PAK3: variants seen among roughly 807,000 people sequenced by gnomAD.
PAK3 encodes the protein p21 (RAC1) activated kinase 3.
In PAK3, 4 loss-of-function variants were observed where a neutral mutation model predicts 41.0. The ratio of observed to expected loss-of-function variants is 0.10; its 90% confidence interval spans 0.05 to 0.22. The LOEUF is 0.22. Ranked by LOEUF, PAK3 falls within the 10% of genes least tolerant of loss-of-function variation. PAK3 has a pLI of 1.00. For missense variants in PAK3, 205 were observed against 409.9 expected, an observed-to-expected ratio of 0.50 and a Z score of 4.32; for synonymous variants, 146 against 139.6, an observed-to-expected ratio of 1.05 and a Z score of -0.32.
intron 1 of PAK3, among the ~76,000 whole-genome samples, chrX:111,012,672 C>A (rs2092027971): frequency 8.9e-6 from 1 of 112,462 alleles, no homozygotes; most frequent in African/African-American, 3.2e-5. Flanking sequence ...ATTACTTTTG[C>A]AAAAGTATTG....
At position 111,196,858 on chromosome X, in the gene PAK3, T is replaced by C. The variant is rs368170722; in HGVS notation, c.1407+218T>C. Among the ~76,000 whole-genome samples, 449 of 94,501 alleles carry C rather than the reference T, an allele frequency of 4.8e-3. 2 individuals are homozygous for C. The highest frequency in any genetic ancestry group is 7.7e-3 in the Non-Finnish European group (390 of 50,927). 82.1% of individuals were successfully genotyped at this position (94,501 alleles called of 115,157 possible). On this transcript the variant is annotated intron_variant, in intron 16 of 17. Coordinates refer to ENST00000372007, the MANE Select transcript of PAK3 (RefSeq NM_002578.5). ...TGTCTTTTTCTTTCTTTCTTTCTTTTTTTTTTTTTTTTTTGGAGAAAGAAT... is the reference window on the plus strand; with the variant it reads ...TGTCTTTTTCTTTCTTTCTTTCTTTCTTTTTTTTTTTTTTGGAGAAAGAAT...
intron 1 of PAK3, among the ~76,000 whole-genome samples, chrX:110,995,168 T>C (rs1163104103): frequency 9.0e-6 from 1 of 111,171 alleles, no homozygotes; most frequent in Admixed American, 9.6e-5. Context: ...CTAGAAAGCA[T>C]AAAAAAACCA....
At chrX:111,152,812 G>A (rs928538548) in intron 8 of PAK3, 16 of 131,784 alleles carry the variant, frequency 1.2e-4, no homozygotes, top group South Asian at 2.5e-4. Flanking sequence ...ATAATACAGC[G>A]TGTGACTTTT....
rs1049709028 is a variant in PAK3 at position 111,009,488 on chromosome X, T to G, written c.-28+64860T>G. On this transcript the variant is annotated intron_variant, in intron 1 of 14. Transcript: ENST00000425146. ...GCACAATGTCAGCTGCCCATTGACC[T>G]TAGTCTTCGTGGCCCCAGGGTCAAC... is the stretch of plus-strand genomic sequence containing the variant. 2.8e-4 allele frequency among the ~76,000 whole-genome samples: 5 copies of G among 17,862 alleles called. No individual in the cohort carries two copies. In the Non-Finnish European group the frequency reaches 0.037, roughly 132 times the overall value. 15.5% of individuals were successfully genotyped at this position (17,862 alleles called of 115,157 possible).
rs2094941374 is a variant in PAK3, at chrX:111,224,103, C to T, written c.*3656C>T. The T allele has an allele frequency of 8.9e-6, 1 of 111,834 alleles. No individual in the cohort carries two copies. The highest frequency in any genetic ancestry group is 3.2e-5 in the African/African-American group (1 of 30,772). The allele number at this position is 111,834 out of a possible 1,213,427, so 9.2% of individuals were successfully genotyped here. On this transcript the variant is annotated 3_prime_UTR_variant, in exon 18 of 18. Transcript: ENST00000372007. ...GAGATATTTGCTAGTTACAATTATT[C>T]CATAGGCTTTATGCTTGCCTGGGTG...
intron 6 of PAK3, among the ~76,000 whole-genome samples, chrX:111,144,366 C>T (rs1469063396): frequency 8.9e-6 from 1 of 112,171 alleles, no homozygotes. Flanking sequence ...TTTGTAACTA[C>T]TTGTTCATAC....
chrX:111,114,352 G>A (rs1180452001), intron 4 of PAK3, among the ~76,000 whole-genome samples: 2 of 111,896 alleles, frequency 1.8e-5, no homozygotes, highest in African/African-American at 6.5e-5. Context: ...GTAAATATTT[G>A]TGGTTCAAGT....
At chrX:111,178,980 T>TATATATAGAGAGAGAGAGAGAG (rs1211051270) in intron 11 of PAK3, among the ~76,000 whole-genome samples, 1 of 91,613 alleles carries the variant, frequency 1.1e-5, no homozygotes, top group African/African-American at 4.0e-5. Context: ...TATATATATA[T>TATATATAGAGAGAGAGAGAGAG]AGAGAGAGAG....
intron 1 of PAK3, among the ~76,000 whole-genome samples, chrX:110,972,471 C>A (rs1162994202): frequency 1.8e-5 from 2 of 112,045 alleles, no homozygotes; most frequent in African/African-American, 6.5e-5. Context: ...ACTGAGGGAT[C>A]TGACTGTTAG....
At chrX:110,974,323 T>C (rs1410378066) in intron 1 of PAK3, among the ~76,000 whole-genome samples, 10 of 111,923 alleles carry the variant, frequency 8.9e-5, no homozygotes, top group Non-Finnish European at 1.9e-4. Context: ...AAGAGAATAC[T>C]ATAAACAACT....
chrX:111,200,384 T>C (rs750401774), intron 16 of PAK3, among the ~76,000 whole-genome samples: 6 of 111,967 alleles, frequency 5.4e-5, no homozygotes, highest in Non-Finnish European at 9.4e-5. Flanking sequence ...TTTTATTCCC[T>C]GTGCTGATTA....
In PAK3 at chrX:111,221,455, T is replaced by G. The variant is rs768089999; in HGVS notation, c.*1008T>G. 16 of 112,223 alleles carry G rather than the reference T, an allele frequency of 1.4e-4. No homozygotes were observed. In the East Asian group the frequency reaches 4.2e-3, roughly 29 times the overall value. 9.2% of individuals were successfully genotyped at this position (112,223 alleles called of 1,213,427 possible). A position where few individuals can be genotyped will look rare whatever the true frequency, so the allele number is the denominator to read the frequency against. ...AAATGTAGAATACTGAAATCCTTGT[T>G]GGACATTAAGTAAACAAAGATAATG... On this transcript the variant is annotated 3_prime_UTR_variant, in exon 18 of 18. Coordinates refer to ENST00000372007, the MANE Select transcript of PAK3 (RefSeq NM_002578.5).
intron 4 of PAK3, among the ~76,000 whole-genome samples, chrX:111,107,833 A>C (rs2148925711): frequency 8.9e-6 from 1 of 112,079 alleles, no homozygotes; most frequent in East Asian, 2.8e-4. Context: ...TGTGAGACTC[A>C]GTTAAGAAAC....
At chrX:111,175,709 A>T (rs748272352) in intron 11 of PAK3, among the ~76,000 whole-genome samples, 1 of 111,910 alleles carries the variant, frequency 8.9e-6, no homozygotes, top group East Asian at 2.8e-4. Context: ...TACCTCCCAG[A>T]TACTAGGTAA....
chrX:111,087,085 T>C (rs1053203409), intron 1 of PAK3, among the ~76,000 whole-genome samples: 2 of 109,888 alleles, frequency 1.8e-5, no homozygotes, highest in Admixed American at 2.0e-4. Flanking sequence ...TAGCCTCACA[T>C]GTCAGAATTC....
At chrX:111,077,052 T>C (rs1305750680) in intron 1 of PAK3, among the ~76,000 whole-genome samples, 1 of 111,575 alleles carries the variant, frequency 9.0e-6, no homozygotes, top group Non-Finnish European at 1.9e-5. Context: ...GTCTCTTTTA[T>C]AATAGCATTA....
chrX:111,159,974 T>C (rs1248434167), intron 8 of PAK3, among the ~76,000 whole-genome samples: 1 of 112,099 alleles, frequency 8.9e-6, no homozygotes, highest in Non-Finnish European at 1.9e-5. Flanking sequence ...CATAGGTTTA[T>C]ACATGATTGT....
At chrX:111,063,020 C>A (rs1029962833) in intron 1 of PAK3, among the ~76,000 whole-genome samples, 2 of 111,540 alleles carry the variant, frequency 1.8e-5, no homozygotes, top group African/African-American at 6.5e-5. Context: ...TACTTCCTAC[C>A]CTAGCCTGGA....
At chrX:111,119,691 T>C (rs1220811058) in intron 4 of PAK3, among the ~76,000 whole-genome samples, 4 of 112,244 alleles carry the variant, frequency 3.6e-5, no homozygotes, top group African/African-American at 9.7e-5. Flanking sequence ...CATGGCTAAG[T>C]AGATTGGCAT....
Sources: allele counts gnomAD v4.1 joint callset (sites outside exome capture counted in the v4.1 genomes callset), GRCh38; gene constraint gnomAD v4.1.1; transcripts MANE v1.5; gene names NCBI Gene and HGNC (gene_info 2026-07-23, HGNC 2026-07-21).